The following LAMA2 variants were observed in gnomAD, a reference collection of about 807,000 sequenced individuals.
LAMA2 encodes the protein laminin subunit alpha-2.
LAMA2 carries 269 observed loss-of-function variants against 364.8 expected under a neutral mutation model. The observed-to-expected ratio is 0.74, with a 90% CI of 0.67 to 0.82. The LOEUF (loss-of-function observed/expected upper bound fraction) is 0.82. Among genes scored for constraint, LAMA2 ranks in the 40% least tolerant of loss-of-function variants. The probability of loss-of-function intolerance (pLI) is 0.00; values close to 1 mark genes in which losing one functional copy is unlikely to be tolerated. For missense variants in LAMA2, 3,807 were observed against 3,873.2 expected, an observed-to-expected ratio of 0.98 and a Z score of 0.45; for synonymous variants, 1,379 against 1,370.6, an observed-to-expected ratio of 1.01 and a Z score of -0.14.
chr6:129,297,148 A>C (rs985801559), intron 20 of LAMA2, among the ~76,000 whole-genome samples: 1 of 152,214 alleles, frequency 6.6e-6, no homozygotes. Flanking sequence ...TGAAAATTAT[A>C]TTTATAATGT....
At chr6:129,274,373 A>T (rs979690547) in intron 17 of LAMA2, among the ~76,000 whole-genome samples, 1 of 151,960 alleles carries the variant, frequency 6.6e-6, no homozygotes, top group Non-Finnish European at 1.5e-5. Context: ...GAATATTTGC[A>T]TACAATCCTG....
At chr6:129,464,476 G>A (rs2114808596) in intron 50 of LAMA2, 24 bp downstream of exon 50, 2 of 1,591,704 alleles carry the variant, frequency 1.3e-6, no homozygotes, top group Admixed American at 1.7e-5. Flanking sequence ...GCATAGCAGA[G>A]TTTCCGTGAC....
intron 37 of LAMA2, 113 bp from the exon 38 acceptor site, chr6:129,401,110 AT>A (rs1779942919): frequency 1.3e-6 from 1 of 789,520 alleles, no homozygotes; most frequent in Non-Finnish European, 2.3e-6. Context: ...ACATTTCAAC[AT>A]GATGTACCTT....
intron 58 of LAMA2, 135 bp from the exon 59 acceptor site, chr6:129,502,524 A>G (rs1225347066): frequency 2.9e-6 from 2 of 686,904 alleles, no homozygotes; most frequent in African/African-American, 1.8e-5. Flanking sequence ...ACTATGCAGT[A>G]GACTACAGAG....
chr6:128,933,493 T>G (rs1779622817), intron 1 of LAMA2, among the ~76,000 whole-genome samples: 1 of 152,206 alleles, frequency 6.6e-6, no homozygotes, highest in Admixed American at 6.5e-5. Context: ...ATCTCTATGC[T>G]TAATGCTGTT....
chr6:128,982,915 T>C (rs1278783262), intron 1 of LAMA2, among the ~76,000 whole-genome samples: 1 of 146,550 alleles, frequency 6.8e-6, no homozygotes, highest in African/African-American at 2.5e-5. Context: ...TCCAGTATCG[T>C]CCATGTCCCT....
chr6:128,937,644 CTTTAA>C lies in LAMA2; in HGVS notation c.112+54292_112+54296del, dbSNP rs565787995. 9.9e-5 allele frequency among the ~76,000 whole-genome samples: 15 copies of C among 151,952 alleles called. No individual in the cohort carries two copies. The East Asian group carries it at 1.3e-3, about 14-fold the overall frequency. ...TTTTATTTCTGTTGCAATGTCTCCT[CTTTAA>C]TTTATAATTTTATTTAGTTGAATCC... On this transcript the variant is annotated intron_variant, in intron 1 of 64. Coordinates refer to ENST00000421865, the MANE Select transcript of LAMA2 (RefSeq NM_000426.4).
chr6:129,155,690 T>C (rs1406227093), intron 8 of LAMA2, among the ~76,000 whole-genome samples: 1 of 152,132 alleles, frequency 6.6e-6, no homozygotes, highest in Non-Finnish European at 1.5e-5. Flanking sequence ...ATTACATGGA[T>C]CAATTTCTAG....
At chr6:129,256,763 C>CATATATATATATATATATATATATATAT (rs199726173) in intron 14 of LAMA2, among the ~76,000 whole-genome samples, 1 of 87,956 alleles carries the variant, frequency 1.1e-5, no homozygotes, top group Non-Finnish European at 2.3e-5. Flanking sequence ...AATTATATAG[C>CATATATATATATATATATATATATATAT]ATATATATAT....
intron 58 of LAMA2, among the ~76,000 whole-genome samples, chr6:129,493,460 G>T (rs771936934): frequency 6.6e-6 from 1 of 152,126 alleles, no homozygotes; most frequent in African/African-American, 2.4e-5. Flanking sequence ...AGAAAAGATC[G>T]GATGCTTTCA....
At chr6:129,485,139 TATA>T (rs1231792202) in intron 55 of LAMA2, among the ~76,000 whole-genome samples, 1 of 152,174 alleles carries the variant, frequency 6.6e-6, no homozygotes, top group Non-Finnish European at 1.5e-5. Flanking sequence ...ATAAGCTAGT[TATA>T]ATAAGAATAC....
chr6:129,395,158 C>G (rs924059237), intron 37 of LAMA2, among the ~76,000 whole-genome samples: 1 of 151,784 alleles, frequency 6.6e-6, no homozygotes. Context: ...TACATTCTAA[C>G]ACTCTCCCTG....
chr6:129,443,789 TAAC>T lies in LAMA2; in HGVS notation c.6274+724_6274+726del, dbSNP rs969663554. 1.4e-4 allele frequency among the ~76,000 whole-genome samples: 22 copies of T among 152,036 alleles called. 1 individual carries two copies. The highest frequency in any genetic ancestry group is 5.1e-4 in the African/African-American group (21 of 41,418). ...CTAAAAAAATAGCTACAAAAAATAA[TAAC>T]AAGAATAACAAAATTTAATATATCA... is the stretch of plus-strand genomic sequence containing the variant. On this transcript the variant is annotated intron_variant, in intron 44 of 64. Transcript: ENST00000421865.
intron 17 of LAMA2, among the ~76,000 whole-genome samples, chr6:129,277,767 A>T (rs1199293103): frequency 1.3e-5 from 2 of 152,222 alleles, no homozygotes. Context: ...GTAAGGAGCT[A>T]GTCAAATTTA....
At chr6:128,925,771 T>A (rs1449493181) in intron 1 of LAMA2, among the ~76,000 whole-genome samples, 5 of 152,146 alleles carry the variant, frequency 3.3e-5, no homozygotes, top group African/African-American at 1.2e-4. Context: ...TGCGTTTACA[T>A]AGACACAAAT....
intron 12 of LAMA2, among the ~76,000 whole-genome samples, chr6:129,197,118 A>G (rs1233720538): frequency 6.6e-6 from 1 of 152,220 alleles, no homozygotes; most frequent in East Asian, 1.9e-4. Flanking sequence ...ATAGCATAAC[A>G]TAACAGATAG....
At chr6:129,445,902 TCCC>T (rs1196064487) in intron 45 of LAMA2, 81 bp downstream of exon 45, 12 of 1,378,938 alleles carry the variant, frequency 8.7e-6, no homozygotes, top group Non-Finnish European at 1.1e-5. Context: ...TCCCCAGGAT[TCCC>T]CGTTGAATGA....
intron 4 of LAMA2, among the ~76,000 whole-genome samples, chr6:129,118,842 C>T (rs1776626586): frequency 6.6e-6 from 1 of 152,116 alleles, no homozygotes; most frequent in Non-Finnish European, 1.5e-5. Flanking sequence ...AGCTGGGACC[C>T]TAGTGGTATT....
At chr6:129,330,627 G>A (rs6909611) in intron 29 of LAMA2, among the ~76,000 whole-genome samples, 95 of 116,636 alleles carry the variant, frequency 8.1e-4, no homozygotes, top group Non-Finnish European at 1.2e-3. Context: ...CCACTGTGTC[G>A]TTTCTCTCTA....
Sources: gnomAD v4.1 joint callset for allele counts (sites outside exome capture counted in the v4.1 genomes callset) on GRCh38, gnomAD v4.1.1 for gene constraint, MANE v1.5 for transcripts, NCBI Gene and HGNC (gene_info 2026-07-23, HGNC 2026-07-21) for gene names.